COL5A1: variants seen among roughly 807,000 people sequenced by gnomAD.
COL5A1 encodes collagen alpha-1(V) chain.
Under a neutral mutation model 263.7 loss-of-function variants are expected in COL5A1, and 16 were observed. That is an observed-to-expected ratio of 0.06 (90% CI 0.04 to 0.09). COL5A1 has a LOEUF of 0.09. COL5A1 is among the 10% of genes least tolerant of loss of function. COL5A1 has a pLI of 1.00. For missense variants in COL5A1, 2,036 were observed against 2,540.5 expected (o/e 0.80, Z 4.27); for synonymous variants, 1,012 against 1,004.5 (o/e 1.01, Z -0.14).
In COL5A1 at chr9:134,691,236, G is replaced by A. The variant is rs116455469; in HGVS notation, c.277+157G>A. Among the ~76,000 whole-genome samples the A allele has an allele frequency of 3.9e-3, 599 of 152,378 alleles. 4 individuals carry two copies. Among genetic ancestry groups the A allele is most frequent in the African/African-American group, 0.014 (571 of 41,592 alleles). ...GGCTTCGTTTCACTGTAGTGAAAAG[G>A]CAGTTGCAACAGTGGGATTTTGTCC... On this transcript the variant is annotated intron_variant, in intron 2 of 65. Coordinates refer to ENST00000371817, the MANE Select transcript of COL5A1 (RefSeq NM_000093.5).
At position 134,682,602 on chromosome 9, in the gene COL5A1, G is replaced by T. The variant is rs1196819262; in HGVS notation, c.110-8310G>T. ...CAGGAAGGGCGCAGGAATCCCGGAG[G>T]TCAGGCAGGTGGGCGAGTCAGAACT... On this transcript the variant is annotated intron_variant, in intron 1 of 65. Transcript: ENST00000371817. This position sits in a 1 kb window ranked among gnomAD's most constrained non-coding sequence, Gnocchi z 5.1. 4.6e-5 allele frequency among the ~76,000 whole-genome samples: 7 copies of T among 152,236 alleles called. No individual in the cohort carries two copies. The highest frequency in any genetic ancestry group is 1.0e-4 in the Non-Finnish European group (7 of 68,044).
chr9:134,813,532 T>G (rs1321515457), intron 48 of COL5A1, among the ~76,000 whole-genome samples: 1 of 152,336 alleles, frequency 6.6e-6, no homozygotes, highest in African/African-American at 2.4e-5. Flanking sequence ...TTTTCCTTGG[T>G]GTCCCCGCTG....
intron 9 of COL5A1, among the ~76,000 whole-genome samples, chr9:134,734,543 G>A (rs566122362): frequency 3.9e-5 from 6 of 152,370 alleles, no homozygotes; most frequent in Admixed American, 1.3e-4. Flanking sequence ...CTGTGGAAGG[G>A]GGTGTCTGTT....
chr9:134,833,909 G>A (rs1188137319), intron 64 of COL5A1, among the ~76,000 whole-genome samples: 1 of 152,200 alleles, frequency 6.6e-6, no homozygotes, highest in African/African-American at 2.4e-5. Flanking sequence ...GGAGGGCTGG[G>A]ATACAGATCA....
intron 14 of COL5A1, among the ~76,000 whole-genome samples, chr9:134,753,286 T>C (rs1029814738): frequency 1.3e-5 from 2 of 152,212 alleles, no homozygotes; most frequent in Non-Finnish European, 2.9e-5. Flanking sequence ...ATACAGTGTG[T>C]GCCCAGGGAG....
intron 14 of COL5A1, among the ~76,000 whole-genome samples, chr9:134,753,233 C>A (rs961949737): frequency 8.5e-5 from 13 of 152,220 alleles, no homozygotes; most frequent in African/African-American, 3.1e-4. Flanking sequence ...TGCCCTGTGG[C>A]CTCAACTTAG....
At chr9:134,790,572 AT>A (rs1837651450) in intron 32 of COL5A1, among the ~76,000 whole-genome samples, 2 of 51,080 alleles carry the variant, frequency 3.9e-5, no homozygotes, top group African/African-American at 1.9e-4. Flanking sequence ...CCACCCACCC[AT>A]CCATCCATCC....
intron 11 of COL5A1, among the ~76,000 whole-genome samples, chr9:134,740,120 G>C (rs1421202051): frequency 4.6e-5 from 7 of 152,198 alleles, no homozygotes; most frequent in Admixed American, 1.3e-4. Flanking sequence ...GTGGGGGCTT[G>C]GCTGGCCTCT....
chr9:134,696,103 C>T lies in COL5A1; in HGVS notation c.278-3806C>T, dbSNP rs1408074427. On this transcript the variant is annotated intron_variant, in intron 2 of 65. Transcript: ENST00000371817. This position sits in a 1 kb window ranked among gnomAD's most constrained non-coding sequence, Gnocchi z 4.3. ...CCCCCTGTCCAAAGTTAGCCACACC[C>T]CGCATTCATTTCCTATCCTCTGACC... Among the ~76,000 whole-genome samples the T allele has an allele frequency of 6.6e-6, 1 of 152,154 alleles. No homozygotes were observed. Among genetic ancestry groups the T allele is most frequent in the Non-Finnish European group, 1.5e-5 (1 of 68,030 alleles).
chr9:134,768,918 G>C (rs1836776381), intron 25 of COL5A1, among the ~76,000 whole-genome samples: 1 of 152,148 alleles, frequency 6.6e-6, no homozygotes. Flanking sequence ...AGCCAAATTA[G>C]ATTCTGCCTG....
chr9:134,753,897 G>A lies in COL5A1; in HGVS notation c.1767G>A (p.Gly589=). 1.2e-6 allele frequency: 2 copies of A among 1,613,714 alleles called. No individual in the cohort carries two copies. Among genetic ancestry groups the A allele is most frequent in the Non-Finnish European group, 1.7e-6 (2 of 1,179,848 alleles). Residue 589 remains glycine (G), a synonymous_variant, in exon 15 of 66, where the codon GGG becomes GGA. Transcript: ENST00000371817. ...GGLKGEPGDV[G]PQGPRGVQGP... ...TGAAGGGCGAGCCGGGAGACGTGGGGCCTCAGGTATGTGGGATCCTTGCCT... is the reference window on the plus strand; with the variant it reads ...TGAAGGGCGAGCCGGGAGACGTGGGACCTCAGGTATGTGGGATCCTTGCCT...
chr9:134,733,124 C>T (rs1364288957), intron 9 of COL5A1, among the ~76,000 whole-genome samples: 1 of 152,216 alleles, frequency 6.6e-6, no homozygotes, highest in African/African-American at 2.4e-5. Context: ...CGCCAGGACT[C>T]AGTTCCTGAG....
chr9:134,796,946 CAAA>C, intron 36 of COL5A1, 45 bp downstream of exon 36: 1 of 271,206 alleles, frequency 3.7e-6, no homozygotes, highest in Non-Finnish European at 4.7e-6. Context: ...CTGTCCCCTC[CAAA>C]ACCCACCTGT....
chr9:134,801,767 A>G (rs1838122594), intron 37 of COL5A1, among the ~76,000 whole-genome samples, 187 bp from the exon 38 acceptor site: 1 of 150,080 alleles, frequency 6.7e-6, no homozygotes, highest in Admixed American at 6.6e-5. Flanking sequence ...AGCCTGGGCG[A>G]CAGAGCGAGA....
At position 134,758,273 on chromosome 9, in the gene COL5A1, T is replaced by G. The variant is rs1349234283; in HGVS notation, c.1912T>G (p.Leu638Val). ...CCGGGGTTTCGACGGCCTGGCTGGG[T>G]TGCCAGGCGAGAAGGGCCACAGGGT... Reference protein sequence around the residue: ...GDRGFDGLAGLPGEKGHRGDP... With the variant: ...GDRGFDGLAGVPGEKGHRGDP... The change falls in exon 18 of 66, where the codon TTG becomes GTG. Residue 638 changes from leucine to valine, a missense_variant. This residue lies in a region of COL5A1 where 1,078 missense variants were observed against 1,521.4 expected (regional missense o/e 0.71). Transcript: ENST00000371817. This position sits in a 1 kb window ranked among gnomAD's most constrained non-coding sequence, Gnocchi z 4.1. The G allele has an allele frequency of 1.2e-6, 2 of 1,613,962 alleles. No individual in the cohort carries two copies. The highest frequency in any genetic ancestry group is 1.7e-6 in the Non-Finnish European group (2 of 1,179,962).
chr9:134,792,522 G>A (rs139781913), intron 32 of COL5A1, among the ~76,000 whole-genome samples: 13 of 152,142 alleles, frequency 8.5e-5, no homozygotes, highest in Admixed American at 2.6e-4. Context: ...ATTACAGATC[G>A]CCTGGCTAAT....
intron 11 of COL5A1, among the ~76,000 whole-genome samples, chr9:134,748,360 C>G (rs984361548): frequency 2.0e-5 from 3 of 152,156 alleles, no homozygotes; most frequent in Non-Finnish European, 4.4e-5. Flanking sequence ...CACACATGCA[C>G]ATACATACAC....
At position 134,809,354 on chromosome 9, in the gene COL5A1, G is replaced by A. The variant is rs41310211; in HGVS notation, c.3474+64G>A. ...TGGGCAGACGGGTGTGGGGGAGGGT[G>A]GTGAATTTAAAGGACAGGATGCTGG... On this transcript the variant is annotated intron_variant, in intron 43 of 65. Coordinates refer to ENST00000371817, the MANE Select transcript of COL5A1 (RefSeq NM_000093.5). The A allele has an allele frequency of 0.034, 44,840 of 1,300,928 alleles. 983 individuals are homozygous for A. Among genetic ancestry groups the A allele is most frequent in the African/African-American group, 0.09 (6,149 of 68,628 alleles). The allele number at this position is 1,300,928 out of a possible 1,614,324, so 80.6% of individuals were successfully genotyped here.
At chr9:134,704,529 C>A (rs142975324) in intron 4 of COL5A1, among the ~76,000 whole-genome samples, 1 of 152,134 alleles carries the variant, frequency 6.6e-6, no homozygotes, top group Non-Finnish European at 1.5e-5. Context: ...GGCTTCTGGT[C>A]GAACGGTAAG....
Sources: gnomAD v4.1 joint callset for allele counts (sites outside exome capture counted in the v4.1 genomes callset) on GRCh38, gnomAD v4.1.1 for gene constraint, gnomAD v4.1.1 regional missense constraint, Gnocchi (gnomAD v3.1) non-coding constraint, MANE v1.5 for transcripts, NCBI Gene and HGNC (gene_info 2026-07-23, HGNC 2026-07-21) for gene names.